SH3GL2: variants seen among roughly 807,000 people sequenced by gnomAD.
The protein encoded by SH3GL2 is SH3 domain containing GRB2 like 2, endophilin A1, also known as endophilin-A1.
SH3GL2 carries 24 observed loss-of-function variants against 46.0 expected under a neutral mutation model. The observed-to-expected ratio is 0.52, with a 90% confidence interval of 0.38 to 0.73. The LOEUF (loss-of-function observed/expected upper bound fraction) is 0.73, where lower values mean the gene tolerates loss of function less well. Among genes scored for constraint, SH3GL2 ranks in the 30% least tolerant of loss-of-function variants. The pLI, the probability that SH3GL2 is intolerant of heterozygous loss-of-function variation, is 0.00. For missense variants in SH3GL2, 413 were observed against 424.2 expected, an observed-to-expected ratio of 0.97 and a Z score of 0.23; for synonymous variants, 196 against 147.1, an observed-to-expected ratio of 1.33 and a Z score of -2.40.
At chr9:17,746,257 TGGTAGAGACGG>T (rs1822681214) in intron 1 of SH3GL2, among the ~76,000 whole-genome samples, 1 of 152,128 alleles carries the variant, frequency 6.6e-6, no homozygotes, top group African/African-American at 2.4e-5. Flanking sequence ...TTTGTATTTT[TGGTAGAGACGG>T]GGTTTCACCG....
At chr9:17,613,102 A>G (rs1278313986) in intron 1 of SH3GL2, among the ~76,000 whole-genome samples, 3 of 152,164 alleles carry the variant, frequency 2.0e-5, no homozygotes, top group African/African-American at 7.2e-5. Flanking sequence ...TGATGACCTT[A>G]GGCTGTCTAA....
At chr9:17,675,506 A>G (rs1820582880) in intron 1 of SH3GL2, among the ~76,000 whole-genome samples, 1 of 152,072 alleles carries the variant, frequency 6.6e-6, no homozygotes, top group Non-Finnish European at 1.5e-5. Flanking sequence ...TGATTACAAA[A>G]CTCTTTAAGT....
intron 2 of SH3GL2, among the ~76,000 whole-genome samples, chr9:17,749,394 C>T (rs985613772): frequency 3.3e-5 from 5 of 152,152 alleles, no homozygotes; most frequent in African/African-American, 1.2e-4. Context: ...GGTTAATCCG[C>T]CTCTGTCTTC....
At chr9:17,694,319 G>A (rs1246467664) in intron 1 of SH3GL2, among the ~76,000 whole-genome samples, 1 of 152,124 alleles carries the variant, frequency 6.6e-6, no homozygotes, top group African/African-American at 2.4e-5. Flanking sequence ...AGGAGAGAGA[G>A]AAAGAGAGAG....
At chr9:17,661,581 T>C (rs879756078) in intron 1 of SH3GL2, among the ~76,000 whole-genome samples, 2 of 152,246 alleles carry the variant, frequency 1.3e-5, no homozygotes, top group Non-Finnish European at 2.9e-5. Context: ...TTTCCATTTA[T>C]GTTTATTTAA....
At chr9:17,736,275 A>G (rs1326770149) in intron 1 of SH3GL2, among the ~76,000 whole-genome samples, 2 of 152,150 alleles carry the variant, frequency 1.3e-5, no homozygotes, top group Non-Finnish European at 2.9e-5. Context: ...TAGAATTTCT[A>G]GAGATACTAA....
At chr9:17,684,412 A>G (rs1262188049) in intron 1 of SH3GL2, among the ~76,000 whole-genome samples, 5 of 152,120 alleles carry the variant, frequency 3.3e-5, no homozygotes, top group African/African-American at 4.8e-5. Flanking sequence ...AAGAAAAAAG[A>G]GGGTGTGACA....
chr9:17,722,294 ACAAAATGTCAG>A (rs1156889803), intron 1 of SH3GL2, among the ~76,000 whole-genome samples: 2 of 152,120 alleles, frequency 1.3e-5, no homozygotes, highest in African/African-American at 4.8e-5. Context: ...CTACTTTTAG[ACAAAATGTCAG>A]TTGTCTGTAT....
intron 1 of SH3GL2, among the ~76,000 whole-genome samples, chr9:17,692,585 C>T (rs931592776): frequency 6.7e-6 from 1 of 148,582 alleles, no homozygotes; most frequent in African/African-American, 2.5e-5. Context: ...ACGGAGGTTA[C>T]AGTGAGCTGA....
chr9:17,584,113 A>G (rs1307383274), intron 1 of SH3GL2, among the ~76,000 whole-genome samples: 2 of 152,274 alleles, frequency 1.3e-5, no homozygotes, highest in African/African-American at 4.8e-5. Context: ...TATAAGTAAC[A>G]TTTTATACAT....
At position 17,795,683 on chromosome 9, in the gene SH3GL2, T is replaced by C. The variant is rs752857922; in HGVS notation, c.999T>C (p.His333=). The C allele has an allele frequency of 1.7e-5, 28 of 1,613,932 alleles. No individual in the cohort carries two copies. Among genetic ancestry groups the C allele is most frequent in the Non-Finnish European group, 1.6e-5 (19 of 1,179,948 alleles). The change falls in exon 9 of 9, where the codon CAT becomes CAC. Residue 333 remains histidine (H), a synonymous_variant. Transcript: ENST00000380607. ...AGAACTGGTATGAGGGGATGCTGCATGGCCATTCAGGCTTCTTCCCCATCA... is the reference window on the plus strand; with the variant it reads ...AGAACTGGTATGAGGGGATGCTGCACGGCCATTCAGGCTTCTTCCCCATCA... ...IDENWYEGML[H]GHSGFFPINY... is the part of the protein sequence containing the mutation.
chr9:17,647,933 C>T (rs569307936), intron 1 of SH3GL2, among the ~76,000 whole-genome samples: 1 of 152,260 alleles, frequency 6.6e-6, no homozygotes, highest in Non-Finnish European at 1.5e-5. Context: ...CCTCTTCCAC[C>T]TCAGCCTACT....
intron 3 of SH3GL2, among the ~76,000 whole-genome samples, chr9:17,768,034 G>A (rs1187662104): frequency 6.6e-6 from 1 of 152,104 alleles, no homozygotes; most frequent in Non-Finnish European, 1.5e-5. Flanking sequence ...TTCTTTACTT[G>A]TGTGTCTAAA....
At chr9:17,601,257 A>T (rs1818666065) in intron 1 of SH3GL2, among the ~76,000 whole-genome samples, 1 of 148,576 alleles carries the variant, frequency 6.7e-6, no homozygotes, top group African/African-American at 2.5e-5. Flanking sequence ...TTTGGAATCA[A>T]TTTTTTTTTT....
At chr9:17,723,343 A>G (rs981584870) in intron 1 of SH3GL2, among the ~76,000 whole-genome samples, 4 of 152,128 alleles carry the variant, frequency 2.6e-5, no homozygotes, top group Non-Finnish European at 5.9e-5. Context: ...GTTTTATGTA[A>G]TTAATATCAC....
intron 1 of SH3GL2, among the ~76,000 whole-genome samples, chr9:17,689,892 A>C (rs1821027478): frequency 6.6e-6 from 1 of 152,160 alleles, no homozygotes; most frequent in South Asian, 2.1e-4. Context: ...AGAATTAGGC[A>C]CATGAATTCG....
chr9:17,717,075 G>A lies in SH3GL2; in HGVS notation c.46-29991G>A, dbSNP rs140962701. Among the ~76,000 whole-genome samples the A allele has an allele frequency of 1.4e-4, 21 of 152,054 alleles. No homozygotes were observed. In the East Asian group the frequency reaches 3.7e-3, roughly 27 times the overall value. On this transcript the variant is annotated intron_variant, in intron 1 of 8. Transcript: ENST00000380607. Reference sequence around the variant, plus strand: ...GGTAGCTATCTATATCTTTAAAGGCGTTCATTATGGTCCAGTGGGAACAGC... The same window carrying A: ...GGTAGCTATCTATATCTTTAAAGGCATTCATTATGGTCCAGTGGGAACAGC...
intron 1 of SH3GL2, among the ~76,000 whole-genome samples, chr9:17,744,729 A>G (rs978250677): frequency 3.3e-5 from 5 of 152,156 alleles, no homozygotes; most frequent in Middle Eastern, 3.2e-3. Flanking sequence ...AAAAACCCTT[A>G]AGAATGCAGG....
chr9:17,633,096 C>A (rs751619074), intron 1 of SH3GL2, among the ~76,000 whole-genome samples: 1 of 152,196 alleles, frequency 6.6e-6, no homozygotes, highest in Non-Finnish European at 1.5e-5. Context: ...TTGCTTTTCA[C>A]TTTGCCAGCT....
Sources: allele counts gnomAD v4.1 joint callset (sites outside exome capture counted in the v4.1 genomes callset), GRCh38; gene constraint gnomAD v4.1.1; transcripts MANE v1.5; gene names NCBI Gene and HGNC (gene_info 2026-07-23, HGNC 2026-07-21).